Variants in ZDHHC17 observed in about 807,000 individuals in gnomAD.
ZDHHC17 encodes the protein zDHHC palmitoyltransferase 17.
Under a neutral mutation model 90.3 loss-of-function variants are expected in ZDHHC17, and 40 were observed. That is an observed-to-expected ratio of 0.44 (90% CI 0.34 to 0.58). ZDHHC17 has a LOEUF of 0.58. Ranked by LOEUF, ZDHHC17 falls within the 20% of genes least tolerant of loss-of-function variation. The pLI, the probability that ZDHHC17 is intolerant of heterozygous loss-of-function variation, is 0.01. For missense variants in ZDHHC17, 614 were observed against 780.8 expected, an observed-to-expected ratio of 0.79 and a Z score of 2.55; for synonymous variants, 235 against 252.4, an observed-to-expected ratio of 0.93 and a Z score of 0.65.
At chr12:76,767,779 C>T (rs576010502) in intron 1 of ZDHHC17, among the ~76,000 whole-genome samples, 29 of 152,194 alleles carry the variant, frequency 1.9e-4, no homozygotes, top group African/African-American at 5.5e-4. Flanking sequence ...ATTAGCCATG[C>T]GTGGTGGCAC....
chr12:76,798,946 T>C (rs1952854871), intron 2 of ZDHHC17, among the ~76,000 whole-genome samples: 1 of 152,166 alleles, frequency 6.6e-6, no homozygotes, highest in African/African-American at 2.4e-5. Flanking sequence ...CATTGGGGAT[T>C]ACAATTGAAC....
intron 8 of ZDHHC17, among the ~76,000 whole-genome samples, chr12:76,824,778 G>A (rs1953210220): frequency 6.6e-6 from 1 of 151,720 alleles, no homozygotes; most frequent in African/African-American, 2.4e-5. Flanking sequence ...GGAAGGTTGA[G>A]GCTGCAGTGA....
chr12:76,805,927 A>G (rs1220527642), intron 3 of ZDHHC17, among the ~76,000 whole-genome samples: 1 of 152,258 alleles, frequency 6.6e-6, no homozygotes. Flanking sequence ...AGCATAAGTG[A>G]TGAATACTTT....
intron 10 of ZDHHC17, among the ~76,000 whole-genome samples, chr12:76,830,604 T>C (rs1953288398): frequency 6.6e-6 from 1 of 152,170 alleles, no homozygotes; most frequent in African/African-American, 2.4e-5. Flanking sequence ...AACAGATCTG[T>C]TGGTTTTCAT....
chr12:76,825,447 A>G (rs1475542104), intron 8 of ZDHHC17, among the ~76,000 whole-genome samples: 3 of 152,220 alleles, frequency 2.0e-5, no homozygotes, highest in African/African-American at 7.2e-5. Flanking sequence ...ATATTTTTAT[A>G]GTACCATTTT....
At chr12:76,826,355 C>T (rs1485281161) in intron 8 of ZDHHC17, among the ~76,000 whole-genome samples, 1 of 152,216 alleles carries the variant, frequency 6.6e-6, no homozygotes, top group Non-Finnish European at 1.5e-5. Flanking sequence ...GTATTGAGCA[C>T]TCTGCCTTGA....
At chr12:76,833,352 A>C (rs1313658056) in intron 10 of ZDHHC17, among the ~76,000 whole-genome samples, 4 of 152,024 alleles carry the variant, frequency 2.6e-5, no homozygotes, top group African/African-American at 7.2e-5. Context: ...ATAGGTGGGA[A>C]ATTATTAAGA....
intron 1 of ZDHHC17, 55 bp from the exon 2 acceptor site, chr12:76,797,379 A>G: frequency 3.2e-6 from 4 of 1,267,830 alleles, no homozygotes; most frequent in Non-Finnish European, 4.4e-6. Flanking sequence ...ATATAGAAAT[A>G]TTTTCTGTAC....
At chr12:76,821,219 G>A (rs1953159729) in intron 7 of ZDHHC17, 1 of 1,030,136 alleles carries the variant, frequency 9.7e-7, no homozygotes, top group Non-Finnish European at 1.3e-6. Context: ...TTAGGTGATG[G>A]AATTTTGGAA....
intron 1 of ZDHHC17, among the ~76,000 whole-genome samples, chr12:76,777,888 G>A (rs1952576789): frequency 6.6e-6 from 1 of 152,122 alleles, no homozygotes; most frequent in Non-Finnish European, 1.5e-5. Context: ...AGATTTACTG[G>A]TAGAGCCCAG....
chr12:76,831,796 G>A (rs1953304868), intron 10 of ZDHHC17, among the ~76,000 whole-genome samples: 1 of 152,102 alleles, frequency 6.6e-6, no homozygotes, highest in East Asian at 1.9e-4. Flanking sequence ...ACAGGCACAA[G>A]CCACCATGCC....
chr12:76,823,302 A>G (rs1953188536), intron 8 of ZDHHC17, among the ~76,000 whole-genome samples: 2 of 152,190 alleles, frequency 1.3e-5, no homozygotes, highest in African/African-American at 4.8e-5. Flanking sequence ...TATGTTGTAT[A>G]CCTTTTTTCA....
intron 13 of ZDHHC17, 109 bp downstream of exon 13, chr12:76,845,911 A>AT (rs1213114052): frequency 1.9e-6 from 1 of 525,910 alleles, no homozygotes; most frequent in Non-Finnish European, 3.3e-6. Context: ...TCCACGCTTC[A>AT]TTTTCTCAGT....
At chr12:76,767,115 A>G (rs1952440510) in intron 1 of ZDHHC17, among the ~76,000 whole-genome samples, 1 of 152,142 alleles carries the variant, frequency 6.6e-6, no homozygotes, top group Non-Finnish European at 1.5e-5. Flanking sequence ...AGGGTCAAGA[A>G]CTGGCACATT....
At chr12:76,781,550 A>G (rs1210105945) in intron 1 of ZDHHC17, 3 of 450,188 alleles carry the variant, frequency 6.7e-6, no homozygotes, top group African/African-American at 2.0e-5. Context: ...GGGTGGTTCT[A>G]AAAGTAAGTT....
intron 7 of ZDHHC17, among the ~76,000 whole-genome samples, chr12:76,817,282 A>C (rs1326525417): frequency 3.3e-5 from 5 of 152,112 alleles, no homozygotes; most frequent in Non-Finnish European, 7.4e-5. Context: ...TGATCAATAT[A>C]CTTAAAAGAA....
At chr12:76,848,449 A>C in intron 15 of ZDHHC17, 59 bp downstream of exon 15, 1 of 1,536,892 alleles carries the variant, frequency 6.5e-7, no homozygotes, top group Non-Finnish European at 8.9e-7. Flanking sequence ...TCCTTGCATA[A>C]AAGATAATAA....
At chr12:76,815,406 A>G (rs992508400) in intron 6 of ZDHHC17, among the ~76,000 whole-genome samples, 196 bp downstream of exon 6, 8 of 151,846 alleles carry the variant, frequency 5.3e-5, no homozygotes, top group Non-Finnish European at 1.0e-4. Flanking sequence ...GAGCTTCCTT[A>G]ATCTGTTTCT....
At chr12:76,793,409 A>C (rs1409421858) in intron 1 of ZDHHC17, among the ~76,000 whole-genome samples, 1 of 152,138 alleles carries the variant, frequency 6.6e-6, no homozygotes, top group Admixed American at 6.5e-5. Flanking sequence ...AGTCCCAGCT[A>C]CTCAGGAAGC....
Sources: allele counts gnomAD v4.1 joint callset (sites outside exome capture counted in the v4.1 genomes callset), GRCh38; gene constraint gnomAD v4.1.1; transcripts MANE v1.5; gene names NCBI Gene and HGNC (gene_info 2026-07-23, HGNC 2026-07-21).